RIGI: variants seen among roughly 807,000 people sequenced by gnomAD.
RIGI encodes the protein RNA sensor RIG-I.
At chr9:32,499,311 GATTTGT>G in the RIGI span, among the ~76,000 whole-genome samples, 1,399 of 80,952 alleles carry the variant, frequency 0.017, 28 homozygotes, top group African/African-American at 0.066. Context: ...CAGAGTTTGT[GATTTGT>G]TTTTTTTTTT....
the RIGI span, among the ~76,000 whole-genome samples, chr9:32,457,891 A>G: frequency 4.6e-5 from 7 of 152,224 alleles, no homozygotes; most frequent in Non-Finnish European, 8.8e-5. Context: ...TAGAGTAAAC[A>G]GCTCAGAAAC....
chr9:32,525,597 T>C, the RIGI span, among the ~76,000 whole-genome samples: 1 of 152,164 alleles, frequency 6.6e-6, no homozygotes, highest in Non-Finnish European at 1.5e-5. Context: ...GGCGTGCAAA[T>C]AAGATTCGGC....
chr9:32,510,567 T>C, the RIGI span, among the ~76,000 whole-genome samples: 2 of 152,122 alleles, frequency 1.3e-5, no homozygotes, highest in Non-Finnish European at 1.5e-5. Context: ...CAGGCCTGCC[T>C]TACAAGAGCT....
At chr9:32,466,355 C>T in the RIGI span, 1 of 1,613,748 alleles carries the variant, frequency 6.2e-7, no homozygotes, top group Non-Finnish European at 8.5e-7. Flanking sequence ...ATCATTTTTT[C>T]TTTGTACATG....
chr9:32,482,715 T>TG, the RIGI span, among the ~76,000 whole-genome samples: 1 of 151,756 alleles, frequency 6.6e-6, no homozygotes, highest in Non-Finnish European at 1.5e-5. Context: ...AAAAATTAGC[T>TG]GGGGGTGGTG....
At chr9:32,467,389 A>T in the RIGI span, among the ~76,000 whole-genome samples, 1 of 152,226 alleles carries the variant, frequency 6.6e-6, no homozygotes, top group Non-Finnish European at 1.5e-5. Context: ...TTAGGAGACT[A>T]GTCAAGTCCA....
the RIGI span, among the ~76,000 whole-genome samples, chr9:32,481,864 C>A: frequency 6.6e-6 from 1 of 152,180 alleles, no homozygotes. Flanking sequence ...GGATTACAGG[C>A]GTGAGCCACT....
chr9:32,485,297 A>C, the RIGI span: 1 of 1,502,994 alleles, frequency 6.7e-7, no homozygotes, highest in Non-Finnish European at 9.0e-7. Flanking sequence ...CGTCAAAAAA[A>C]AAAGAAAAAG....
the RIGI span, among the ~76,000 whole-genome samples, chr9:32,513,480 G>A: frequency 2.6e-5 from 4 of 152,308 alleles, 1 homozygote; most frequent in Admixed American, 2.6e-4. Context: ...AATGGGGAAA[G>A]GATTCCCTAT....
the RIGI span, among the ~76,000 whole-genome samples, chr9:32,486,306 A>T: frequency 2.6e-5 from 4 of 152,014 alleles, no homozygotes; most frequent in Non-Finnish European, 5.9e-5. Flanking sequence ...ACAAAAAATT[A>T]GCCAGGCGTG....
the RIGI span, chr9:32,489,554 T>G: frequency 1.8e-3 from 1,022 of 572,194 alleles, 5 homozygotes; most frequent in African/African-American, 0.018. Context: ...AGCAAGAAGA[T>G]CCTCATTGGA....
chr9:32,498,607 T>C, the RIGI span, among the ~76,000 whole-genome samples: 894 of 152,314 alleles, frequency 5.9e-3, 7 homozygotes, highest in African/African-American at 0.021. Flanking sequence ...ATTTGATGCA[T>C]GTACCAGAAT....
the RIGI span, among the ~76,000 whole-genome samples, chr9:32,511,208 C>T: frequency 6.6e-6 from 1 of 152,138 alleles, no homozygotes; most frequent in Non-Finnish European, 1.5e-5. Context: ...ATATTCAGGA[C>T]TTGAACTCAG....
the RIGI span, among the ~76,000 whole-genome samples, chr9:32,484,610 A>G: frequency 6.6e-6 from 1 of 152,236 alleles, no homozygotes; most frequent in Non-Finnish European, 1.5e-5. Flanking sequence ...AGCATCTCAC[A>G]TGTGTCTCCT....
At chr9:32,523,036 A>C in the RIGI span, among the ~76,000 whole-genome samples, 9 of 152,196 alleles carry the variant, frequency 5.9e-5, no homozygotes, top group African/African-American at 2.2e-4. Flanking sequence ...CTCATTTATC[A>C]TGATTGCTTC....
At chr9:32,504,184 C>T in the RIGI span, among the ~76,000 whole-genome samples, 24 of 152,110 alleles carry the variant, frequency 1.6e-4, no homozygotes, top group Non-Finnish European at 2.6e-4. Flanking sequence ...TTTTCCAAGA[C>T]GTTACTAGCG....
chr9:32,482,183 TTGTTTGTG>T, the RIGI span, among the ~76,000 whole-genome samples: 158 of 140,790 alleles, frequency 1.1e-3, no homozygotes, highest in African/African-American at 4.0e-3. Flanking sequence ...ATCTGTGTGT[TTGTTTGTG>T]TGTGTGTGTG....
chr9:32,455,365 A>AACTT, the RIGI span, among the ~76,000 whole-genome samples: 3 of 152,284 alleles, frequency 2.0e-5, no homozygotes, highest in African/African-American at 4.8e-5. Context: ...GGCCTCAGGA[A>AACTT]ACTTACAATC....
the RIGI span, among the ~76,000 whole-genome samples, chr9:32,501,160 T>C: frequency 1.3e-5 from 2 of 151,950 alleles, no homozygotes; most frequent in African/African-American, 4.8e-5. Flanking sequence ...ACCTACAGTT[T>C]GGTGTGGAGG....
Sources: allele counts gnomAD v4.1 joint callset (sites outside exome capture counted in the v4.1 genomes callset), GRCh38; gene constraint gnomAD v4.1.1; transcripts MANE v1.5; gene names NCBI Gene and HGNC (gene_info 2026-07-23, HGNC 2026-07-21).